TBL1X: variants seen among roughly 807,000 people sequenced by gnomAD.
TBL1X encodes the protein transducin beta like 1 X-linked, also known as F-box-like/WD repeat-containing protein TBL1X.
A neutral mutation model predicts 50.7 loss-of-function variants in TBL1X; 10 were observed. The ratio of observed to expected loss-of-function variants is 0.20; its 90% CI spans 0.12 to 0.33. TBL1X has a LOEUF of 0.33. Ranked by LOEUF, TBL1X falls within the 10% of genes least tolerant of loss-of-function variation. The pLI is 1.00. For synonymous variants in TBL1X, 190 were observed against 214.7 expected (o/e 0.88, Z 1.01); for missense variants, 340 against 504.4 (o/e 0.67, Z 3.12).
chrX:9,524,991 A>G (rs1569214895), intron 2 of TBL1X, among the ~76,000 whole-genome samples: 1 of 111,737 alleles, frequency 8.9e-6, no homozygotes, highest in Non-Finnish European at 1.9e-5. Flanking sequence ...GGCTCCAGCA[A>G]TCACCTGTCC....
intron 2 of TBL1X, among the ~76,000 whole-genome samples, chrX:9,612,954 A>G (rs766041655): frequency 3.5e-4 from 39 of 110,839 alleles, no homozygotes; most frequent in African/African-American, 1.1e-3. Flanking sequence ...AAAAAACTGT[A>G]TTATCAACTC....
chrX:9,558,505 G>A (rs887950182), intron 2 of TBL1X, among the ~76,000 whole-genome samples: 68 of 105,795 alleles, frequency 6.4e-4, no homozygotes, highest in African/African-American at 2.3e-3. Flanking sequence ...CAACAAGAGC[G>A]AAACTCCATC....
chrX:9,702,326 C>T (rs1327992536), intron 12 of TBL1X, among the ~76,000 whole-genome samples: 1 of 108,608 alleles, frequency 9.2e-6, no homozygotes, highest in Non-Finnish European at 1.9e-5. Context: ...CCTGTCATCC[C>T]AGCTACTAGG....
chrX:9,513,907 G>A (rs754401786), intron 2 of TBL1X, among the ~76,000 whole-genome samples: 2 of 108,829 alleles, frequency 1.8e-5, no homozygotes, highest in Non-Finnish European at 3.8e-5. Context: ...TGGCAAGAGA[G>A]GGAGCAAGAG....
At chrX:9,619,127 T>C (rs16985614) in intron 2 of TBL1X, among the ~76,000 whole-genome samples, 1,607 of 112,466 alleles carry the variant, frequency 0.014, 33 homozygotes, top group African/African-American at 0.049. Context: ...ATATGACTTA[T>C]GGATTTATGC....
At chrX:9,579,686 A>G (rs971123590) in intron 2 of TBL1X, among the ~76,000 whole-genome samples, 1 of 111,620 alleles carries the variant, frequency 9.0e-6, no homozygotes, top group African/African-American at 3.3e-5. Flanking sequence ...CTTTGTTTCC[A>G]TCGGGTCCTG....
intron 2 of TBL1X, among the ~76,000 whole-genome samples, chrX:9,611,985 T>C (rs1052896604): frequency 8.9e-6 from 1 of 112,781 alleles, no homozygotes; most frequent in Non-Finnish European, 1.9e-5. Context: ...AGGCAGAGCG[T>C]TGGCTAGTGA....
intron 3 of TBL1X, among the ~76,000 whole-genome samples, chrX:9,645,926 T>C (rs1387197586): frequency 8.9e-6 from 1 of 112,380 alleles, no homozygotes; most frequent in East Asian, 2.8e-4. Context: ...AACCTAGCTT[T>C]GAAATTTTTA....
At chrX:9,549,695 C>T (rs1356155288) in intron 2 of TBL1X, among the ~76,000 whole-genome samples, 1 of 111,817 alleles carries the variant, frequency 8.9e-6, no homozygotes, top group African/African-American at 3.3e-5. Flanking sequence ...CTTGTTCCCT[C>T]CCTTCCTTCC....
chrX:9,477,040 AT>A (rs1316496239), intron 1 of TBL1X, among the ~76,000 whole-genome samples: 1 of 112,314 alleles, frequency 8.9e-6, no homozygotes, highest in Non-Finnish European at 1.9e-5. Context: ...ACGTTTTGTA[AT>A]TTTTTGAATA....
intron 1 of TBL1X, among the ~76,000 whole-genome samples, chrX:9,483,538 T>A (rs1276270769): frequency 9.0e-6 from 1 of 111,679 alleles, no homozygotes; most frequent in Non-Finnish European, 1.9e-5. Flanking sequence ...TTGCCTGCCT[T>A]CTTTACCTAA....
At chrX:9,598,265 C>T (rs892149252) in intron 2 of TBL1X, among the ~76,000 whole-genome samples, 7 of 111,703 alleles carry the variant, frequency 6.3e-5, no homozygotes, top group Admixed American at 5.7e-4. Flanking sequence ...TTATGTTGGG[C>T]CTATGAAATT....
intron 5 of TBL1X, among the ~76,000 whole-genome samples, chrX:9,676,103 C>G (rs2082992606): frequency 8.9e-6 from 1 of 112,109 alleles, no homozygotes; most frequent in Non-Finnish European, 1.9e-5. Context: ...TCGTAAATCT[C>G]TGGTTTAGCA....
At chrX:9,521,006 G>A (rs963492514) in intron 2 of TBL1X, among the ~76,000 whole-genome samples, 3 of 111,509 alleles carry the variant, frequency 2.7e-5, no homozygotes, top group African/African-American at 9.8e-5. Context: ...GCTGAGGTGG[G>A]AGGATAACTT....
intron 1 of TBL1X, among the ~76,000 whole-genome samples, chrX:9,500,480 C>T (rs997599225): frequency 5.4e-5 from 6 of 110,606 alleles, no homozygotes; most frequent in African/African-American, 2.0e-4. Context: ...CCTGTAATCC[C>T]AGCTACTCGG....
intron 12 of TBL1X, 116 bp downstream of exon 12, chrX:9,697,545 G>C: frequency 1.9e-6 from 2 of 1,034,154 alleles, no homozygotes; most frequent in Non-Finnish European, 2.6e-6. Context: ...GCCGAAGCAG[G>C]TGGATTGCAT....
intron 2 of TBL1X, among the ~76,000 whole-genome samples, chrX:9,560,781 C>T (rs1396258031): frequency 7.2e-5 from 8 of 111,492 alleles, no homozygotes; most frequent in East Asian, 2.8e-4. Flanking sequence ...GGTGATTTGC[C>T]GGGGCTTTTT....
chrX:9,509,751 G>C (rs1004730492), intron 2 of TBL1X, among the ~76,000 whole-genome samples: 5 of 110,523 alleles, frequency 4.5e-5, no homozygotes, highest in Non-Finnish European at 9.5e-5. Context: ...CTTTCAAAAT[G>C]CTAGGTTTAC....
intron 1 of TBL1X, among the ~76,000 whole-genome samples, chrX:9,473,636 A>C (rs750354446): frequency 5.3e-4 from 59 of 112,169 alleles, no homozygotes; most frequent in African/African-American, 1.9e-3. Context: ...TGTTGCAGCC[A>C]ACTAATGGTT....
Sources: gnomAD v4.1 joint callset for allele counts (sites outside exome capture counted in the v4.1 genomes callset) on GRCh38, gnomAD v4.1.1 for gene constraint, MANE v1.5 for transcripts, NCBI Gene and HGNC (gene_info 2026-07-23, HGNC 2026-07-21) for gene names.